The following DMRT2 variants were observed in gnomAD, a reference collection of about 807,000 sequenced individuals.
The protein encoded by DMRT2 is doublesex and mab-3 related transcription factor 2.
Under a neutral mutation model 43.5 loss-of-function variants are expected in DMRT2, and 33 were observed. That is an observed-to-expected ratio of 0.76 (90% CI 0.58 to 1.01). DMRT2 has a LOEUF of 1.01. Ranked by LOEUF, DMRT2 falls within the 50% of genes least tolerant of loss-of-function variation. The probability of loss-of-function intolerance (pLI) is 0.00; values close to 1 mark genes in which losing one functional copy is unlikely to be tolerated. For missense variants in DMRT2, 1,064 were observed against 748.0 expected, an observed-to-expected ratio of 1.42 and a Z score of -4.93; for synonymous variants, 395 against 309.2, an observed-to-expected ratio of 1.28 and a Z score of -2.91.
chr9:1,056,332 A>T lies in DMRT2; in HGVS notation c.745A>T (p.Met249Leu). The T allele has an allele frequency of 1.2e-6, 2 of 1,614,238 alleles. No homozygotes were observed. Among genetic ancestry groups the T allele is most frequent in the South Asian group, 1.1e-5 (1 of 91,086 alleles). The change falls in exon 4 of 4, where the codon ATG becomes TTG. Residue 249 changes from methionine (M) to leucine (L), a missense_variant. Met to Leu is a conservative substitution (Grantham distance 15). Coordinates refer to ENST00000358146, the MANE Select transcript of DMRT2 (RefSeq NM_181872.6). The part of the protein sequence containing the change: ...AFADKELENI[M>L]LEREYKEREM... Reference sequence around the variant, plus strand: ...TGCTGATAAAGAGTTGGAGAACATTATGCTGGAGAGAGAATATAAAGAAAG... The same window carrying T: ...TGCTGATAAAGAGTTGGAGAACATTTTGCTGGAGAGAGAATATAAAGAAAG...
chr9:1,053,308 G>A (rs869938), intron 2 of DMRT2, among the ~76,000 whole-genome samples: 11,783 of 150,968 alleles, frequency 0.078, 550 homozygotes, highest in African/African-American at 0.13. Context: ...CTGCTTCACA[G>A]CAGGCCTTGG....
intron 3 of DMRT2, among the ~76,000 whole-genome samples, chr9:1,054,076 C>T (rs897019979): frequency 2.0e-5 from 3 of 152,208 alleles, no homozygotes; most frequent in African/African-American, 7.2e-5. Flanking sequence ...ATGAATCTCA[C>T]ATACCTCCTG....
At chr9:1,055,071 T>C (rs1459448885) in intron 3 of DMRT2, among the ~76,000 whole-genome samples, 3 of 152,214 alleles carry the variant, frequency 2.0e-5, no homozygotes, top group African/African-American at 4.8e-5. Flanking sequence ...TTTATAATAA[T>C]AGGGCCACAT....
chr9:1,051,706 G>A lies in DMRT2; in HGVS notation c.93G>A (p.Arg31=). 6.5e-7 allele frequency: 1 copy of A among 1,549,436 alleles called. No homozygotes were observed. ...AAGAGGACGTCTGCGGGGCGCCGCGGTCCACGCCCCCCGGGCCCAGCCCGC... is the reference window on the plus strand; with the variant it reads ...AAGAGGACGTCTGCGGGGCGCCGCGATCCACGCCCCCCGGGCCCAGCCCGC... ...ELEEDVCGAP[R]STPPGPSPPP... The change falls in exon 2 of 4, where the codon CGG becomes CGA. Residue 31 remains arginine, a synonymous_variant. Coordinates refer to ENST00000358146, the MANE Select transcript of DMRT2 (RefSeq NM_181872.6). The surrounding 1 kb of genome is among the most constrained non-coding windows in gnomAD (Gnocchi z 5.9).
Position 1,050,660 on chromosome 9 carries a change from G to T in DMRT2, c.-160G>T, listed in dbSNP as rs1273527438. 6.6e-6 allele frequency: 1 copy of T among 152,352 alleles called. No individual in the cohort carries two copies. The highest frequency in any genetic ancestry group is 2.4e-5 in the African/African-American group (1 of 41,422). 9.4% of individuals were successfully genotyped at this position (152,352 alleles called of 1,614,324 possible). A position where few individuals can be genotyped will look rare whatever the true frequency, so the allele number is the denominator to read the frequency against. On this transcript the variant is annotated 5_prime_UTR_variant, in exon 1 of 4. Transcript: ENST00000358146. ...CCTCCAGCTATCAGCTCCCGATCTCGTGTTTGAGGGTAGCGACCCCGATTT... is the reference window on the plus strand; with the variant it reads ...CCTCCAGCTATCAGCTCCCGATCTCTTGTTTGAGGGTAGCGACCCCGATTT...
chr9:1,056,472 A>C lies in DMRT2; in HGVS notation c.885A>C (p.Pro295=). The C allele has an allele frequency of 6.2e-7, 1 of 1,614,218 alleles. No homozygotes were observed. The highest frequency in any genetic ancestry group is 1.1e-5 in the South Asian group (1 of 91,092). Residue 295 remains proline (P), a synonymous_variant, in exon 4 of 4, where the codon CCA becomes CCC. Transcript: ENST00000358146. ...SAYSPSPVEP[P]SKDFCNFLPT... is the part of the protein sequence containing the mutation. ...ACAGCCCCAGCCCAGTGGAACCACC[A>C]AGCAAGGACTTCTGTAATTTTTTGC...
In DMRT2 at chr9:1,056,644, A is replaced by G. The variant is rs759258940; in HGVS notation, c.1057A>G (p.Thr353Ala). Residue 353 changes from threonine (T) to alanine (A), a missense_variant, in exon 4 of 4, where the codon ACC (threonine) becomes GCC (alanine). By Grantham distance (58) the Thr-to-Ala change is moderately conservative (BLOSUM62 0). Transcript: ENST00000358146. ...GCCCAAGTGTGGCCCCATTAGCGAC[A>G]CCCTCCTCTACCAGCAATGCCTGCT... ...VWPKCGPISD[T>A]LLYQQCLLNA... 3.7e-6 allele frequency: 6 copies of G among 1,614,084 alleles called. No homozygotes were observed. Among genetic ancestry groups the G allele is most frequent in the Non-Finnish European group, 5.1e-6 (6 of 1,180,016 alleles).
intron 2 of DMRT2, among the ~76,000 whole-genome samples, chr9:1,052,574 G>T (rs369467333): frequency 2.0e-5 from 3 of 152,044 alleles, no homozygotes; most frequent in African/African-American, 7.2e-5. Flanking sequence ...GCACGCATGC[G>T]CTCGGTGCTT....
Position 1,051,026 on chromosome 9 carries a change from G to C in DMRT2, c.-45+251G>C, listed in dbSNP as rs905133310. Among the ~76,000 whole-genome samples, 2 of 152,120 alleles carry C rather than the reference G, an allele frequency of 1.3e-5. No individual in the cohort carries two copies. Among genetic ancestry groups the C allele is most frequent in the African/African-American group, 4.8e-5 (2 of 41,434 alleles). On this transcript the variant is annotated intron_variant, in intron 1 of 3. Coordinates refer to ENST00000358146, the MANE Select transcript of DMRT2 (RefSeq NM_181872.6). This position sits in a 1 kb window ranked among gnomAD's most constrained non-coding sequence, Gnocchi z 5.9. ...GGTTTTCAGTTGAGTATTTTGGGGA[G>C]GGGGGTGAGAGGACCTCTTCAAGCC...
In DMRT2 at chr9:1,051,482, C is replaced by A; in HGVS notation, c.-44-88C>A. On this transcript the variant is annotated intron_variant, in intron 1 of 3. Coordinates refer to ENST00000358146, the MANE Select transcript of DMRT2 (RefSeq NM_181872.6). This position sits in a 1 kb window ranked among gnomAD's most constrained non-coding sequence, Gnocchi z 5.9. ...ACAGGATGACTCAAGCGGCCGGAGG[C>A]GGGCAGACCAGGAGCTTTGGGCCGG... The A allele has an allele frequency of 7.2e-7, 1 of 1,380,870 alleles. No individual in the cohort carries two copies. Among genetic ancestry groups the A allele is most frequent in the South Asian group, 1.6e-5 (1 of 62,642 alleles). The allele number at this position is 1,380,870 out of a possible 1,614,324, so 85.5% of individuals were successfully genotyped here.
chr9:1,055,985 A>G (rs1821956603), intron 3 of DMRT2: 1 of 1,407,682 alleles, frequency 7.1e-7, no homozygotes, highest in Non-Finnish European at 9.2e-7. Flanking sequence ...CACAACAAGC[A>G]ACAAGAACAA....
rs938281882 is a variant in DMRT2, at chr9:1,052,149, G to T, written c.525+11G>T. On this transcript the variant is annotated intron_variant, in intron 2 of 3. Coordinates refer to ENST00000358146, the MANE Select transcript of DMRT2 (RefSeq NM_181872.6). The stretch of plus-strand genomic sequence containing the variant: ...CAGCAGGCCACCGAGGTGCGTACCC[G>T]CCCGGCCCGGGCGTCTCAGGCCACA... The T allele has an allele frequency of 4.4e-6, 6 of 1,369,852 alleles. No homozygotes were observed. The highest frequency in any genetic ancestry group is 4.7e-6 in the Non-Finnish European group (5 of 1,067,486). 84.9% of individuals were successfully genotyped at this position (1,369,852 alleles called of 1,614,324 possible).
intron 2 of DMRT2, 94 bp from the exon 3 acceptor site, chr9:1,053,628 G>A: frequency 9.6e-7 from 1 of 1,037,548 alleles, no homozygotes; most frequent in Non-Finnish European, 1.4e-6. Context: ...AGAAGGGGGA[G>A]AGTTTCTAGA....
intron 2 of DMRT2, 121 bp downstream of exon 2, chr9:1,052,259 G>C (rs1821649665): frequency 1.4e-6 from 1 of 730,394 alleles, no homozygotes. Flanking sequence ...CACTCCCTAG[G>C]AAGGATGGTA....
rs928098878 is a variant in DMRT2, at chr9:1,057,469, C to A, written c.*196C>A. On this transcript the variant is annotated 3_prime_UTR_variant, in exon 4 of 4. Transcript: ENST00000358146. Reference sequence around the variant, plus strand: ...TATTTAAACTTACAGATGGAAATTGCCCAATGTGCAAATTGTTAAGTACCA... The same window carrying A: ...TATTTAAACTTACAGATGGAAATTGACCAATGTGCAAATTGTTAAGTACCA... 3.2e-4 allele frequency: 189 copies of A among 599,288 alleles called. No homozygotes were observed. Among genetic ancestry groups the A allele is most frequent in the African/African-American group, 3.1e-3 (168 of 53,976 alleles). 37.1% of individuals were successfully genotyped at this position (599,288 alleles called of 1,614,324 possible).
chr9:1,053,963 G>C, intron 3 of DMRT2, 139 bp downstream of exon 3: 1 of 660,654 alleles, frequency 1.5e-6, no homozygotes, highest in East Asian at 2.8e-5. Context: ...TTGTTTAGGT[G>C]TTCGCTGAGC....
chr9:1,051,563 T>A lies in DMRT2; in HGVS notation c.-44-7T>A. On this transcript the variant is annotated splice_region_variant and splice_polypyrimidine_tract_variant and intron_variant, in intron 1 of 3. Transcript: ENST00000358146. This position sits in a 1 kb window ranked among gnomAD's most constrained non-coding sequence, Gnocchi z 5.9. ...GTGGGTCTTTGGATTTCTTTGTGTTTCCCCAGAGTGAGGGCCGCCAGGCTC... is the reference window on the plus strand; with the variant it reads ...GTGGGTCTTTGGATTTCTTTGTGTTACCCCAGAGTGAGGGCCGCCAGGCTC... 1 of 1,461,264 alleles carries A rather than the reference T, an allele frequency of 6.8e-7. No individual in the cohort carries two copies. Among genetic ancestry groups the A allele is most frequent in the Non-Finnish European group, 9.0e-7 (1 of 1,117,166 alleles). 90.5% of individuals were successfully genotyped at this position (1,461,264 alleles called of 1,614,324 possible). A position where few individuals can be genotyped will look rare whatever the true frequency, so the allele number is the denominator to read the frequency against.
rs372796863 is a variant in DMRT2, at chr9:1,051,854, C to A, written c.241C>A (p.Arg81=). The stretch of plus-strand genomic sequence containing the variant: ...CGGGATGCCCGGCCAGCCGGAGCAG[C>A]GGGGGGGACCGCAGCCGAGGCCGCC... The part of the protein sequence containing the change: ...SPGMPGQPEQ[R]GGPQPRPPLA... The change falls in exon 2 of 4, where the codon CGG becomes AGG. Residue 81 remains arginine (R), a synonymous_variant. Transcript: ENST00000358146. The surrounding 1 kb of genome is among the most constrained non-coding windows in gnomAD (Gnocchi z 5.9). 2.1e-6 allele frequency: 3 copies of A among 1,398,222 alleles called. No individual in the cohort carries two copies. 86.6% of individuals were successfully genotyped at this position (1,398,222 alleles called of 1,614,324 possible).
At chr9:1,055,410 T>G (rs1312896575) in intron 3 of DMRT2, among the ~76,000 whole-genome samples, 2 of 152,234 alleles carry the variant, frequency 1.3e-5, no homozygotes, top group African/African-American at 4.8e-5. Flanking sequence ...AGCCTGTGTT[T>G]TAATGATTGC....
Sources: allele counts gnomAD v4.1 joint callset (sites outside exome capture counted in the v4.1 genomes callset), GRCh38; gene constraint gnomAD v4.1.1; non-coding constraint Gnocchi (gnomAD v3.1); transcripts MANE v1.5; gene names NCBI Gene and HGNC (gene_info 2026-07-23, HGNC 2026-07-21).